The following DRC8 variants were observed in gnomAD, a reference collection of about 807,000 sequenced individuals.
DRC8 encodes dynein regulatory complex protein 8.
chr1:245,018,072 CA>C, the DRC8 span, among the ~76,000 whole-genome samples: 1 of 151,862 alleles, frequency 6.6e-6, no homozygotes, highest in Non-Finnish European at 1.5e-5. Flanking sequence ...ACTAAAAATA[CA>C]AAAACTAGCC....
chr1:245,072,767 G>A, the DRC8 span, among the ~76,000 whole-genome samples: 26 of 152,220 alleles, frequency 1.7e-4, no homozygotes, highest in Admixed American at 4.6e-4. Context: ...GGCTCGGGCC[G>A]TCCCTTGGTG....
chr1:245,099,392 T>C, the DRC8 span, among the ~76,000 whole-genome samples: 1 of 152,142 alleles, frequency 6.6e-6, no homozygotes, highest in Non-Finnish European at 1.5e-5. Context: ...AGCCAGACCC[T>C]AGGACAAGGG....
At chr1:244,977,110 A>G in the DRC8 span, among the ~76,000 whole-genome samples, 1 of 152,190 alleles carries the variant, frequency 6.6e-6, no homozygotes, top group East Asian at 1.9e-4. Context: ...CAGAAAGTAG[A>G]TTGCTGGTTG....
At chr1:245,087,329 A>G in the DRC8 span, 4 of 1,603,470 alleles carry the variant, frequency 2.5e-6, no homozygotes, top group Non-Finnish European at 3.4e-6. Context: ...TACAAGGACT[A>G]TATAACAATG....
At chr1:245,014,752 A>C in the DRC8 span, among the ~76,000 whole-genome samples, 1 of 152,114 alleles carries the variant, frequency 6.6e-6, no homozygotes, top group South Asian at 2.1e-4. Context: ...TAACTCTGTG[A>C]TCTTGGGCAA....
chr1:245,051,758 C>G, the DRC8 span, among the ~76,000 whole-genome samples: 2 of 152,094 alleles, frequency 1.3e-5, no homozygotes, highest in Admixed American at 6.5e-5. Flanking sequence ...AAAGAGGAAA[C>G]AGCTAATAAA....
chr1:245,090,558 T>C, the DRC8 span, among the ~76,000 whole-genome samples: 1 of 152,224 alleles, frequency 6.6e-6, no homozygotes, highest in African/African-American at 2.4e-5. Context: ...ATCCCCATTT[T>C]AGAAAGGTGA....
the DRC8 span, among the ~76,000 whole-genome samples, chr1:245,075,095 G>A: frequency 6.6e-6 from 1 of 152,172 alleles, no homozygotes; most frequent in Non-Finnish European, 1.5e-5. Flanking sequence ...TGTCACTGGG[G>A]AGAAAGGAAT....
chr1:245,037,663 G>A, the DRC8 span, among the ~76,000 whole-genome samples: 16 of 152,224 alleles, frequency 1.1e-4, no homozygotes, highest in African/African-American at 3.6e-4. Context: ...AGTATTTGAC[G>A]TTAAATGGTA....
the DRC8 span, among the ~76,000 whole-genome samples, chr1:245,049,583 TA>T: frequency 1.1e-4 from 17 of 151,172 alleles, no homozygotes; most frequent in African/African-American, 2.7e-4. The surrounding 1 kb of genome is among the most constrained non-coding windows in gnomAD (Gnocchi z 4.5). Context: ...AATCCTAGAC[TA>T]AAAAAAAACT....
At chr1:245,095,321 A>G in the DRC8 span, among the ~76,000 whole-genome samples, 1 of 152,222 alleles carries the variant, frequency 6.6e-6, no homozygotes, top group Admixed American at 6.5e-5. Flanking sequence ...GGAGGGAGAA[A>G]ATACTCTGGT....
At chr1:245,108,165 A>G in the DRC8 span, among the ~76,000 whole-genome samples, 5 of 151,070 alleles carry the variant, frequency 3.3e-5, no homozygotes, top group Non-Finnish European at 7.4e-5. Flanking sequence ...CCCTCCCTCC[A>G]CCGCCAAGCA....
chr1:244,995,867 C>T, the DRC8 span, among the ~76,000 whole-genome samples: 3 of 152,226 alleles, frequency 2.0e-5, no homozygotes, highest in African/African-American at 7.2e-5. Flanking sequence ...AACCTAGAGC[C>T]TACGGAAGGG....
chr1:245,047,172 C>T, the DRC8 span, among the ~76,000 whole-genome samples: 2 of 152,206 alleles, frequency 1.3e-5, no homozygotes, highest in African/African-American at 2.4e-5. Context: ...ATCTCCCCTA[C>T]CGTTGAAAAC....
At chr1:245,026,463 G>C in the DRC8 span, among the ~76,000 whole-genome samples, 1 of 152,228 alleles carries the variant, frequency 6.6e-6, no homozygotes, top group African/African-American at 2.4e-5. Context: ...GTAGTAGAAA[G>C]TGTGAGCAAT....
the DRC8 span, among the ~76,000 whole-genome samples, chr1:245,012,543 A>G: frequency 6.7e-6 from 1 of 149,672 alleles, no homozygotes; most frequent in African/African-American, 2.6e-5. Context: ...CAAAAATTCA[A>G]TTTTTACCTC....
the DRC8 span, among the ~76,000 whole-genome samples, chr1:244,977,543 TAAAG>T: frequency 2.0e-5 from 3 of 152,074 alleles, no homozygotes; most frequent in Non-Finnish European, 4.4e-5. Flanking sequence ...TAAATAATAA[TAAAG>T]AAGTCGGGGG....
the DRC8 span, among the ~76,000 whole-genome samples, chr1:245,053,027 G>C: frequency 6.6e-6 from 1 of 152,212 alleles, no homozygotes; most frequent in Non-Finnish European, 1.5e-5. Flanking sequence ...TTCTAAGTCT[G>C]ATTAAATCTT....
chr1:244,997,775 C>T, the DRC8 span, among the ~76,000 whole-genome samples: 1 of 152,072 alleles, frequency 6.6e-6, no homozygotes, highest in Non-Finnish European at 1.5e-5. Flanking sequence ...GACTTCTTGA[C>T]CTCAGGTGAT....
Sources: allele counts gnomAD v4.1 joint callset (sites outside exome capture counted in the v4.1 genomes callset), GRCh38; gene constraint gnomAD v4.1.1; non-coding constraint Gnocchi (gnomAD v3.1); transcripts MANE v1.5; gene names NCBI Gene and HGNC (gene_info 2026-07-23, HGNC 2026-07-21).